DEFB4B: variants seen among roughly 807,000 people sequenced by gnomAD.
The protein encoded by DEFB4B is defensin beta 4B, also known as beta-defensin 4B.
At chr8:7,416,313 T>A (rs1469877985) in intron 1 of DEFB4B, among the ~76,000 whole-genome samples, 1 of 151,744 alleles carries the variant, frequency 6.6e-6, no homozygotes, top group African/African-American at 2.4e-5. Context: ...AATTTCTGCC[T>A]TTTATTTAAA....
chr8:7,415,944 CT>C (rs1808833480), intron 1 of DEFB4B, among the ~76,000 whole-genome samples: 1 of 147,428 alleles, frequency 6.8e-6, no homozygotes, highest in Admixed American at 6.9e-5. Context: ...AGGATTTACT[CT>C]CAAATTTTCT....
intron 1 of DEFB4B, among the ~76,000 whole-genome samples, 182 bp downstream of exon 1, chr8:7,416,587 AG>A (rs1808878194): frequency 1.4e-5 from 2 of 145,822 alleles, no homozygotes; most frequent in South Asian, 4.4e-4. Context: ...AAAGAAAGAC[AG>A]AAAAAAAGAG....
intron 1 of DEFB4B, among the ~76,000 whole-genome samples, chr8:7,415,689 A>ATCCCTCCCTCCCCCCC (rs1808810045): frequency 1.5e-5 from 1 of 67,366 alleles, no homozygotes; most frequent in African/African-American, 5.4e-5. Flanking sequence ...TTCTTTTTTT[A>ATCCCTCCCTCCCCCCC]TCCCTCCCTC....
chr8:7,415,689 ATCCCTCCCTCCCTCCC>A (rs1172499428), intron 1 of DEFB4B, among the ~76,000 whole-genome samples: 7 of 67,448 alleles, frequency 1.0e-4, no homozygotes, highest in South Asian at 1.2e-3. Flanking sequence ...TTCTTTTTTT[ATCCCTCCCTCCCTCCC>A]TCCCTCCCTC....
At chr8:7,415,345 A>G (rs1214090839) in intron 1 of DEFB4B, among the ~76,000 whole-genome samples, 2 of 150,966 alleles carry the variant, frequency 1.3e-5, no homozygotes, top group Non-Finnish European at 2.9e-5. Flanking sequence ...ATTGTGAAAG[A>G]CCCTGATCTC....
At chr8:7,415,751 G>GCCTCCCTGCCTCCCTT (rs1808821247) in intron 1 of DEFB4B, among the ~76,000 whole-genome samples, 1 of 60,298 alleles carries the variant, frequency 1.7e-5, no homozygotes, top group African/African-American at 8.6e-5. Context: ...CCACCTGCCC[G>GCCTCCCTGCCTCCCTT]CCTCCCTGCC....
At chr8:7,415,688 T>TATCC (rs1808809429) in intron 1 of DEFB4B, among the ~76,000 whole-genome samples, 1 of 82,642 alleles carries the variant, frequency 1.2e-5, no homozygotes, top group African/African-American at 4.6e-5. Context: ...CTTCTTTTTT[T>TATCC]ATCCCTCCCT....
chr8:7,415,534 A>G (rs1460684531), intron 1 of DEFB4B, among the ~76,000 whole-genome samples: 3 of 151,478 alleles, frequency 2.0e-5, no homozygotes, highest in African/African-American at 7.3e-5. Context: ...TTGATCTGAG[A>G]TGGGATAAAA....
chr8:7,415,632 T>C (rs1447631385), intron 1 of DEFB4B, among the ~76,000 whole-genome samples: 1 of 150,558 alleles, frequency 6.6e-6, no homozygotes, highest in East Asian at 2.0e-4. Context: ...AAATAAATTT[T>C]GTAATGGCTT....
At chr8:7,415,702 T>TCCCC (rs1808812365) in intron 1 of DEFB4B, among the ~76,000 whole-genome samples, 1 of 69,992 alleles carries the variant, frequency 1.4e-5, no homozygotes, top group Non-Finnish European at 2.7e-5. Context: ...CCTCCCTCCC[T>TCCCC]CCCTCCCTCC....
intron 1 of DEFB4B, among the ~76,000 whole-genome samples, chr8:7,415,599 T>C (rs1274050180): frequency 1.3e-5 from 2 of 151,284 alleles, no homozygotes; most frequent in African/African-American, 2.4e-5. Context: ...TAACTTACAG[T>C]TGAAAACCAC....
At chr8:7,415,701 C>CTCCCTCCG (rs1237217184) in intron 1 of DEFB4B, among the ~76,000 whole-genome samples, 1 of 117,060 alleles carries the variant, frequency 8.5e-6, no homozygotes, top group Non-Finnish European at 1.7e-5. Context: ...CCCTCCCTCC[C>CTCCCTCCG]TCCCTCCCTC....
intron 1 of DEFB4B, among the ~76,000 whole-genome samples, chr8:7,415,801 G>A (rs1808824849): frequency 6.9e-6 from 1 of 145,270 alleles, no homozygotes; most frequent in African/African-American, 2.6e-5. Flanking sequence ...TCATTATACT[G>A]TTCTAGGTTT....
chr8:7,415,717 C>CTCCT (rs1320348824), intron 1 of DEFB4B, among the ~76,000 whole-genome samples: 1 of 128,298 alleles, frequency 7.8e-6, no homozygotes, highest in African/African-American at 3.0e-5. Context: ...CCCTCCCTCC[C>CTCCT]TCCCTCCTTC....
chr8:7,415,689 A>T (rs1215176676), intron 1 of DEFB4B, among the ~76,000 whole-genome samples: 1 of 67,450 alleles, frequency 1.5e-5, no homozygotes, highest in Non-Finnish European at 3.0e-5. Context: ...TTCTTTTTTT[A>T]TCCCTCCCTC....
At chr8:7,415,875 T>C (rs1374476992) in intron 1 of DEFB4B, among the ~76,000 whole-genome samples, 1 of 148,814 alleles carries the variant, frequency 6.7e-6, no homozygotes, top group Admixed American at 6.8e-5. Context: ...CCAGGACTCA[T>C]AAATAAGATT....
intron 1 of DEFB4B, among the ~76,000 whole-genome samples, chr8:7,416,566 G>A (rs1329000281): frequency 6.7e-6 from 1 of 149,566 alleles, no homozygotes; most frequent in Non-Finnish European, 1.5e-5. Flanking sequence ...CATGCTCTAG[G>A]GAGAGAGGAA....
chr8:7,415,472 C>A (rs1359392490), intron 1 of DEFB4B, among the ~76,000 whole-genome samples: 1 of 151,140 alleles, frequency 6.6e-6, no homozygotes, highest in Non-Finnish European at 1.5e-5. Flanking sequence ...CATTTTAACA[C>A]ACACAAGCCA....
chr8:7,415,570 A>G (rs1197143009), intron 1 of DEFB4B, among the ~76,000 whole-genome samples: 1 of 151,532 alleles, frequency 6.6e-6, no homozygotes, highest in Admixed American at 6.6e-5. Flanking sequence ...AAATTGTTTA[A>G]TAGGAAATTA....
Sources: allele counts gnomAD v4.1 joint callset (sites outside exome capture counted in the v4.1 genomes callset), GRCh38; gene constraint gnomAD v4.1.1; transcripts MANE v1.5; gene names NCBI Gene and HGNC (gene_info 2026-07-23, HGNC 2026-07-21).